Variants in ODAD4 observed in about 807,000 individuals in gnomAD.
The protein encoded by ODAD4 is outer dynein arm-docking complex subunit 4.
A neutral mutation model predicts 51.8 loss-of-function variants in ODAD4; 49 were observed. That is an observed-to-expected ratio of 0.95 (90% CI 0.75 to 1.20). ODAD4 has a LOEUF of 1.20. Among genes scored for constraint, ODAD4 ranks in the 50% most tolerant of loss-of-function variants. The pLI is 0.00. For synonymous variants in ODAD4, 235 were observed against 221.3 expected (o/e 1.06, Z -0.55); for missense variants, 590 against 586.5 (o/e 1.01, Z -0.06).
intron 11 of ODAD4, among the ~76,000 whole-genome samples, chr17:41,964,063 ATT>A (rs539389648): frequency 3.6e-5 from 5 of 140,530 alleles, no homozygotes; most frequent in Non-Finnish European, 3.1e-5. Flanking sequence ...CTCCCGGTTA[ATT>A]TTTTTTTTTT....
rs782365495 is a variant in ODAD4, at chr17:41,965,509, G to A, written c.*26G>A. On this transcript the variant is annotated 3_prime_UTR_variant, in exon 12 of 12. Transcript: ENST00000377540. Reference sequence around the variant, plus strand: ...AGCCATCGGTAGAGATGAGGATCAGGAAGCTGGTGTTCAGAGGGATCATGG... The same window carrying A: ...AGCCATCGGTAGAGATGAGGATCAGAAAGCTGGTGTTCAGAGGGATCATGG... The A allele has an allele frequency of 6.7e-6, 5 of 744,940 alleles. No individual in the cohort carries two copies. The highest frequency in any genetic ancestry group is 2.3e-4 in the Middle Eastern group (1 of 4,290). 46.1% of individuals were successfully genotyped at this position (744,940 alleles called of 1,614,324 possible). A position where few individuals can be genotyped will look rare whatever the true frequency, so the allele number is the denominator to read the frequency against.
intron 9 of ODAD4, chr17:41,954,887 T>A: frequency 3.6e-6 from 1 of 279,022 alleles, no homozygotes; most frequent in Non-Finnish European, 7.2e-6. Flanking sequence ...TCCAGAACAA[T>A]CTAAAGATGG....
At chr17:41,932,317 C>CT (rs1555637037) in intron 1 of ODAD4, among the ~76,000 whole-genome samples, 1 of 151,962 alleles carries the variant, frequency 6.6e-6, no homozygotes, top group African/African-American at 2.4e-5. Flanking sequence ...GATCCCCCCC[C>CT]ACCTCAGCCT....
rs2050877364 is a variant in ODAD4, at chr17:41,965,851, T to G, written c.*368T>G. Among the ~76,000 whole-genome samples the G allele has an allele frequency of 6.6e-6, 1 of 152,106 alleles. No individual in the cohort carries two copies. The highest frequency in any genetic ancestry group is 2.4e-5 in the African/African-American group (1 of 41,406). On this transcript the variant is annotated 3_prime_UTR_variant, in exon 12 of 12. Transcript: ENST00000377540. ...ACACACCGGTGACTGACTGAGTCCC[T>G]CCAGTGCGCAGGACAGCGGGGAGGC...
At chr17:41,946,289 T>G (rs1386652593) in intron 8 of ODAD4, among the ~76,000 whole-genome samples, 2 of 152,212 alleles carry the variant, frequency 1.3e-5, no homozygotes, top group African/African-American at 4.8e-5. Flanking sequence ...GGAAATGCCC[T>G]CTCCATGACA....
chr17:41,948,126 T>A (rs1175606142), intron 8 of ODAD4, among the ~76,000 whole-genome samples: 4 of 151,448 alleles, frequency 2.6e-5, no homozygotes, highest in African/African-American at 9.7e-5. Flanking sequence ...CTCAAAAAAA[T>A]AAATAAATAA....
At chr17:41,944,446 C>CACACACA (rs1567933209) in intron 7 of ODAD4, among the ~76,000 whole-genome samples, 3 of 4,762 alleles carry the variant, frequency 6.3e-4, no homozygotes, top group Non-Finnish European at 1.5e-3. Flanking sequence ...ACACACACAC[C>CACACACA]CCCCCGCATA....
At chr17:41,954,968 T>A in intron 9 of ODAD4, 1 of 589,766 alleles carries the variant, frequency 1.7e-6, no homozygotes, top group Non-Finnish European at 3.1e-6. Context: ...ACAGTCCCCT[T>A]CTCTCACCAA....
At chr17:41,937,672 A>G (rs1242869607) in intron 5 of ODAD4, among the ~76,000 whole-genome samples, 1 of 152,088 alleles carries the variant, frequency 6.6e-6, no homozygotes, top group Admixed American at 6.5e-5. Context: ...GGGTTTCACC[A>G]TGTTGGCCAG....
At chr17:41,952,566 A>C (rs1422249914) in intron 9 of ODAD4, 1 of 343,582 alleles carries the variant, frequency 2.9e-6, no homozygotes, top group Admixed American at 3.7e-5. Flanking sequence ...AAAAAAAAAA[A>C]AAACAGAAAG....
At position 41,966,248 on chromosome 17, in the gene ODAD4, C is replaced by G. The variant is rs1396336754; in HGVS notation, c.*765C>G. On this transcript the variant is annotated 3_prime_UTR_variant, in exon 12 of 12. Coordinates refer to ENST00000377540, the MANE Select transcript of ODAD4 (RefSeq NM_031421.5). ...ATTTCACTCCGTTACTCATCTGTCC[C>G]TTTGGCCATTGCCATCCTGGTCTGT... 2.0e-5 allele frequency among the ~76,000 whole-genome samples: 3 copies of G among 152,184 alleles called. No homozygotes were observed. The highest frequency in any genetic ancestry group is 4.4e-5 in the Non-Finnish European group (3 of 68,028).
intron 8 of ODAD4, among the ~76,000 whole-genome samples, chr17:41,945,616 AGGCCG>A (rs1321257196): frequency 6.6e-6 from 1 of 152,036 alleles, no homozygotes; most frequent in African/African-American, 2.4e-5. Flanking sequence ...TTAAAAAGCT[AGGCCG>A]GGCGCAGTGG....
intron 10 of ODAD4, 69 bp from the exon 11 acceptor site, chr17:41,961,313 G>T: frequency 2.8e-6 from 2 of 707,978 alleles, no homozygotes; most frequent in South Asian, 3.0e-5. Flanking sequence ...TTCTGGGATT[G>T]ATCTGGGTGG....
chr17:41,962,729 C>T (rs546290840), intron 11 of ODAD4, among the ~76,000 whole-genome samples: 3 of 152,196 alleles, frequency 2.0e-5, no homozygotes, highest in Non-Finnish European at 4.4e-5. Flanking sequence ...CACACTGTTT[C>T]TAGTGACACA....
At chr17:41,936,601 C>A in intron 4 of ODAD4, 67 bp downstream of exon 4, 10 of 1,531,922 alleles carry the variant, frequency 6.5e-6, no homozygotes, top group Non-Finnish European at 9.0e-6. Context: ...GAGAAGGGGT[C>A]TTGGGAGTCT....
intron 7 of ODAD4, among the ~76,000 whole-genome samples, chr17:41,939,808 A>C (rs2050481788): frequency 6.6e-6 from 1 of 152,130 alleles, no homozygotes; most frequent in Non-Finnish European, 1.5e-5. Flanking sequence ...GCTGATCAAG[A>C]GCACGGGCTG....
Position 41,955,807 on chromosome 17 carries a change from T to TTTTA in ODAD4, c.1443+509_1443+512dup, listed in dbSNP as rs1269030882. On this transcript the variant is annotated intron_variant, in intron 10 of 11. Coordinates refer to ENST00000377540, the MANE Select transcript of ODAD4 (RefSeq NM_031421.5). ...TTCCTATTACATTCTGTTTTCTTAT[T>TTTTA]TTTATTTATTTATTTATTTATTGAG... Among the ~76,000 whole-genome samples the TTTTA allele has an allele frequency of 1.6e-4, 24 of 152,110 alleles. No individual in the cohort carries two copies. The South Asian group carries it at 3.3e-3, about 21-fold the overall frequency.
chr17:41,935,519 C>A, intron 2 of ODAD4, 80 bp from the exon 3 acceptor site: 1 of 1,540,492 alleles, frequency 6.5e-7, no homozygotes, highest in Non-Finnish European at 8.8e-7. Flanking sequence ...GACCTTCAAC[C>A]CAGGACCCTT....
At chr17:41,944,441 CA>C (rs1457250268) in intron 7 of ODAD4, among the ~76,000 whole-genome samples, 71 of 3,848 alleles carry the variant, frequency 0.018, 1 homozygote, top group East Asian at 0.062. Flanking sequence ...CACACACACA[CA>C]CACCCCCCCG....
Sources: gnomAD v4.1 joint callset for allele counts (sites outside exome capture counted in the v4.1 genomes callset) on GRCh38, gnomAD v4.1.1 for gene constraint, MANE v1.5 for transcripts, NCBI Gene and HGNC (gene_info 2026-07-23, HGNC 2026-07-21) for gene names.